Variants in AFF4 observed in about 807,000 individuals in gnomAD.
AFF4 encodes ALF transcription elongation factor 4, also known as AF4/FMR2 family member 4.
A neutral mutation model predicts 124.8 loss-of-function variants in AFF4; 13 were observed. The observed-to-expected ratio is 0.10, with a 90% CI of 0.07 to 0.17. AFF4 has a LOEUF of 0.17. Among genes scored for constraint, AFF4 ranks in the 10% least tolerant of loss-of-function variants. The probability of loss-of-function intolerance (pLI) is 1.00; values close to 1 mark genes in which losing one functional copy is unlikely to be tolerated. For missense variants in AFF4, 1,092 were observed against 1,403.8 expected (o/e 0.78, Z 3.55); for synonymous variants, 477 against 496.1 (o/e 0.96, Z 0.51).
At chr5:132,923,377 AG>A (rs1761097157) in intron 5 of AFF4, among the ~76,000 whole-genome samples, 1 of 150,304 alleles carries the variant, frequency 6.7e-6, no homozygotes, top group Non-Finnish European at 1.5e-5. Context: ...GAAAGGAGAG[AG>A]AGAGAGAGAG....
chr5:132,927,057 T>C, intron 5 of AFF4, 64 bp downstream of exon 5: 3 of 1,390,936 alleles, frequency 2.2e-6, no homozygotes, highest in Non-Finnish European at 3.0e-6. Context: ...TTTTAATCCA[T>C]ATGATTTTAG....
intron 5 of AFF4, among the ~76,000 whole-genome samples, chr5:132,924,871 T>A (rs1385535949): frequency 6.6e-6 from 1 of 151,110 alleles, no homozygotes; most frequent in Non-Finnish European, 1.5e-5. Context: ...AAACTCAAAC[T>A]GCACATTAAA....
rs1368556713 is a variant in AFF4 at position 132,943,823 on chromosome 5, C to T, written c.-4-6630G>A. The T allele has an allele frequency of 3.2e-5, 8 of 246,838 alleles. No homozygotes were observed. In the South Asian group the frequency reaches 6.4e-4, roughly 20 times the overall value. The allele number at this position is 246,838 out of a possible 1,614,324, so 15.3% of individuals were successfully genotyped here. On this transcript the variant is annotated intron_variant, in intron 1 of 20. Coordinates refer to ENST00000265343, the MANE Select transcript of AFF4 (RefSeq NM_014423.4). ...CCAGTCCAAATCAGTGCTGGCTATGCTCCTGTAATGGATTGCCACATGGCT... is the reference window on the plus strand; with the variant it reads ...CCAGTCCAAATCAGTGCTGGCTATGTTCCTGTAATGGATTGCCACATGGCT...
At chr5:132,940,062 T>C (rs914802687) in intron 1 of AFF4, among the ~76,000 whole-genome samples, 3 of 151,988 alleles carry the variant, frequency 2.0e-5, no homozygotes, top group Non-Finnish European at 4.4e-5. Context: ...TAGCCTGCCG[T>C]GGTAGCAGGT....
rs1759950146 is a variant in AFF4, at chr5:132,880,592, GAACAGCTACCACA to G, written c.*454_*466del. 5.4e-6 allele frequency: 2 copies of G among 369,548 alleles called. No individual in the cohort carries two copies. The highest frequency in any genetic ancestry group is 9.6e-6 in the Non-Finnish European group (2 of 208,038). 22.9% of individuals were successfully genotyped at this position (369,548 alleles called of 1,614,324 possible). A position where few individuals can be genotyped will look rare whatever the true frequency, so the allele number is the denominator to read the frequency against. On this transcript the variant is annotated 3_prime_UTR_variant, in exon 21 of 21. Transcript: ENST00000265343. Reference sequence around the variant, plus strand: ...TTAGACGAACCAATTCTTACTCTTAGAACAGCTACCACAAAAAGATATTAGGTAATAAAGCTCC... The same window carrying G: ...TTAGACGAACCAATTCTTACTCTTAGAAAAGATATTAGGTAATAAAGCTCC...
In AFF4 at chr5:132,880,163, C is replaced by A; in HGVS notation, c.*896G>T. 1 of 398,778 alleles carries A rather than the reference C, an allele frequency of 2.5e-6. No homozygotes were observed. The highest frequency in any genetic ancestry group is 1.3e-4 in the South Asian group (1 of 7,800). 24.7% of individuals were successfully genotyped at this position (398,778 alleles called of 1,614,324 possible). Reference sequence around the variant, plus strand: ...ATCCTTTTTTCCACAGTAACTTATTCTGTTTCGATTAAGTGTCAAATGATT... The same window carrying A: ...ATCCTTTTTTCCACAGTAACTTATTATGTTTCGATTAAGTGTCAAATGATT... On this transcript the variant is annotated 3_prime_UTR_variant, in exon 21 of 21. Coordinates refer to ENST00000265343, the MANE Select transcript of AFF4 (RefSeq NM_014423.4).
At chr5:132,892,119 G>T (rs367685062) in intron 13 of AFF4, 45 bp downstream of exon 13, 16 of 1,613,870 alleles carry the variant, frequency 9.9e-6, no homozygotes, top group Non-Finnish European at 1.2e-5. Flanking sequence ...AAGTCACATG[G>T]CAAGTTGAAT....
intron 5 of AFF4, among the ~76,000 whole-genome samples, chr5:132,922,218 G>GAGC (rs1170009788): frequency 1.3e-5 from 2 of 152,090 alleles, no homozygotes; most frequent in East Asian, 3.9e-4. Context: ...AGGAGTTCAA[G>GAGC]AGCAGCCTGA....
At chr5:132,959,516 G>GT (rs1413804999) in intron 1 of AFF4, among the ~76,000 whole-genome samples, 1 of 151,996 alleles carries the variant, frequency 6.6e-6, no homozygotes, top group Non-Finnish European at 1.5e-5. Flanking sequence ...GTATTAAAAT[G>GT]TTTTGGAATA....
intron 5 of AFF4, among the ~76,000 whole-genome samples, chr5:132,906,103 C>A (rs1054017925): frequency 3.3e-5 from 5 of 152,120 alleles, no homozygotes; most frequent in Non-Finnish European, 7.4e-5. Flanking sequence ...TGACTAGAAT[C>A]AAAAAGACAG....
At chr5:132,901,849 C>T (rs527596014) in intron 7 of AFF4, among the ~76,000 whole-genome samples, 1 of 152,128 alleles carries the variant, frequency 6.6e-6, no homozygotes, top group Admixed American at 6.5e-5. Context: ...CTGTGGCCCA[C>T]AAGCCAAATC....
At chr5:132,936,102 C>T (rs1433151147) in intron 2 of AFF4, among the ~76,000 whole-genome samples, 1 of 151,090 alleles carries the variant, frequency 6.6e-6, no homozygotes, top group East Asian at 1.9e-4. Flanking sequence ...CCTGTCTCTA[C>T]TAAAAATACA....
At chr5:132,958,740 C>T (rs1172872529) in intron 1 of AFF4, among the ~76,000 whole-genome samples, 1 of 152,130 alleles carries the variant, frequency 6.6e-6, no homozygotes, top group Non-Finnish European at 1.5e-5. Context: ...AAAACTGTCC[C>T]TTCCCTAATG....
chr5:132,960,646 A>G (rs576624514), intron 1 of AFF4, among the ~76,000 whole-genome samples: 76 of 152,198 alleles, frequency 5.0e-4, no homozygotes, highest in Non-Finnish European at 1.0e-3. Flanking sequence ...TCAAATACTG[A>G]TCCTTTGCTC....
At chr5:132,897,904 A>G (rs1362082562) in intron 10 of AFF4, among the ~76,000 whole-genome samples, 7 of 152,190 alleles carry the variant, frequency 4.6e-5, no homozygotes, top group Non-Finnish European at 7.3e-5. Flanking sequence ...ATTGTATTAC[A>G]TAAGACTCTT....
At chr5:132,900,046 G>T (rs1257098816) in intron 7 of AFF4, among the ~76,000 whole-genome samples, 1 of 152,148 alleles carries the variant, frequency 6.6e-6, no homozygotes, top group Non-Finnish European at 1.5e-5. Flanking sequence ...TAAAATGAAA[G>T]CATCAAGCAA....
intron 1 of AFF4, among the ~76,000 whole-genome samples, chr5:132,952,240 C>T (rs1226726793): frequency 6.6e-6 from 1 of 152,236 alleles, no homozygotes; most frequent in Non-Finnish European, 1.5e-5. Context: ...CGTATCCAAT[C>T]ACTATTCAAC....
Position 132,933,118 on chromosome 5 carries a change from C to T in AFF4, c.919-896G>A, listed in dbSNP as rs547199742. Among the ~76,000 whole-genome samples, 58 of 151,802 alleles carry T rather than the reference C, an allele frequency of 3.8e-4. 1 individual carries two copies. The South Asian group carries it at 0.012, about 31-fold the overall frequency. On this transcript the variant is annotated intron_variant, in intron 3 of 20. Transcript: ENST00000265343. ...CTACATTAAAAGATAAAATTTGGGG[C>T]CAGGCGCGGTGGCTCACGCCTGTAA...
In AFF4 at chr5:132,927,101, G is replaced by A. The variant is rs1561498689; in HGVS notation, c.1050+20C>T. 1.3e-6 allele frequency: 2 copies of A among 1,598,314 alleles called. No homozygotes were observed. Among genetic ancestry groups the A allele is most frequent in the Admixed American group, 1.7e-5 (1 of 58,870 alleles). ...TTTAGAGTTTTCTTACATTATGAAA[G>A]ATACATTTTATTTACTTACCTTAGT... On this transcript the variant is annotated intron_variant, in intron 5 of 20. Transcript: ENST00000265343.
Sources: gnomAD v4.1 joint callset for allele counts (sites outside exome capture counted in the v4.1 genomes callset) on GRCh38, gnomAD v4.1.1 for gene constraint, MANE v1.5 for transcripts, NCBI Gene and HGNC (gene_info 2026-07-23, HGNC 2026-07-21) for gene names.